Variants in NUP54 observed in about 807,000 individuals in gnomAD.
NUP54 encodes nucleoporin p54.
Under a neutral mutation model 66.4 loss-of-function variants are expected in NUP54, and 27 were observed. The observed-to-expected ratio is 0.41, with a 90% CI of 0.30 to 0.56. NUP54 has a LOEUF of 0.56. NUP54 is among the 20% of genes least tolerant of loss of function. The pLI is 0.34. For missense variants in NUP54, 486 were observed against 596.3 expected (o/e 0.82, Z 1.93); for synonymous variants, 206 against 210.7 (o/e 0.98, Z 0.19).
intron 1 of NUP54, chr4:76,147,976 A>G: frequency 3.0e-6 from 1 of 335,312 alleles, no homozygotes; most frequent in Non-Finnish European, 5.5e-6. Flanking sequence ...TGAGGTGCAG[A>G]GGGGAGGGAG....
At chr4:76,143,511 G>C (rs1053834865) in intron 3 of NUP54, among the ~76,000 whole-genome samples, 2 of 152,182 alleles carry the variant, frequency 1.3e-5, no homozygotes, top group African/African-American at 2.4e-5. Flanking sequence ...GGCTGAGGCA[G>C]AAGTATCGCT....
chr4:76,135,210 C>T (rs1578686368), intron 4 of NUP54, among the ~76,000 whole-genome samples: 1 of 151,992 alleles, frequency 6.6e-6, no homozygotes, highest in East Asian at 1.9e-4. Context: ...CTTTATGAAA[C>T]AGGGTTGTTG....
intron 10 of NUP54, 110 bp from the exon 11 acceptor site, chr4:76,117,884 T>A: frequency 9.7e-7 from 1 of 1,035,400 alleles, no homozygotes; most frequent in Admixed American, 2.1e-5. Flanking sequence ...TTTCTATTTC[T>A]CTCTCTGTAC....
chr4:76,127,074 A>G (rs1315904177), intron 8 of NUP54, among the ~76,000 whole-genome samples: 1 of 152,186 alleles, frequency 6.6e-6, no homozygotes, highest in East Asian at 1.9e-4. Context: ...ACATATATAT[A>G]TGCAAACAGT....
intron 1 of NUP54, among the ~76,000 whole-genome samples, chr4:76,147,322 A>G (rs1249603496): frequency 3.9e-5 from 6 of 152,244 alleles, no homozygotes; most frequent in Non-Finnish European, 2.9e-5. Flanking sequence ...CTTTTAAGGC[A>G]GTAAAAACTT....
At chr4:76,147,577 A>G in intron 1 of NUP54, 5 of 1,289,802 alleles carry the variant, frequency 3.9e-6, no homozygotes, top group Non-Finnish European at 5.1e-6. Context: ...ATTAGCAGTT[A>G]ATCCGAAACC....
Position 76,134,280 on chromosome 4 carries a change from ATC to A in NUP54, c.603_604del (p.Glu201AspfsTer14), listed in dbSNP as rs774241077. 4.3e-6 allele frequency: 7 copies of A among 1,613,828 alleles called. No individual in the cohort carries two copies. Among genetic ancestry groups the A allele is most frequent in the South Asian group, 1.1e-5 (1 of 91,070 alleles). ...TACCAACTGTTGTTGTTGGCTTCGA[ATC>A]TCTGTTTCTTTTTTGTTGAAAACTA... On this transcript the variant is annotated frameshift_variant, in exon 5 of 12. Transcript: ENST00000264883. LOFTEE classifies it high-confidence loss of function.
intron 1 of NUP54, chr4:76,145,573 T>C: frequency 7.8e-7 from 1 of 1,275,938 alleles, no homozygotes; most frequent in Non-Finnish European, 1.0e-6. Context: ...AACAAGAATG[T>C]GTTTCTTGAA....
chr4:76,129,966 GTTTTTTTTTTTTTTTT>G (rs775109047), intron 8 of NUP54, among the ~76,000 whole-genome samples: 20 of 56,858 alleles, frequency 3.5e-4, no homozygotes, highest in Admixed American at 2.0e-3. Context: ...AATTATGAAA[GTTTTTTTTTTTTTTTT>G]TTTTTTTTTT....
chr4:76,117,865 T>A, intron 10 of NUP54, 91 bp from the exon 11 acceptor site: 1 of 1,141,464 alleles, frequency 8.8e-7, no homozygotes, highest in Non-Finnish European at 1.3e-6. Context: ...CAAAACCATC[T>A]ATTAAAAATT....
chr4:76,135,887 T>C (rs952606875), intron 4 of NUP54, among the ~76,000 whole-genome samples: 3 of 152,246 alleles, frequency 2.0e-5, no homozygotes, highest in African/African-American at 7.2e-5. Context: ...CACTAAATTG[T>C]AGTTTGGTGT....
At chr4:76,148,158 ACT>A in intron 1 of NUP54, 148 bp downstream of exon 1, 2 of 599,858 alleles carry the variant, frequency 3.3e-6, no homozygotes, top group Non-Finnish European at 5.1e-6. Flanking sequence ...GCCTCGGCCC[ACT>A]CTGCCGCCGC....
chr4:76,130,177 T>C (rs1730742016), intron 8 of NUP54, among the ~76,000 whole-genome samples: 1 of 151,658 alleles, frequency 6.6e-6, no homozygotes, highest in Non-Finnish European at 1.5e-5. Flanking sequence ...AGACCAGGTT[T>C]TGCCAAGTCG....
At chr4:76,130,019 C>T (rs1358100669) in intron 8 of NUP54, among the ~76,000 whole-genome samples, 3 of 96,826 alleles carry the variant, frequency 3.1e-5, no homozygotes, top group African/African-American at 3.9e-5. Flanking sequence ...CTCACTCTGT[C>T]GCCCAGGCTG....
intron 3 of NUP54, among the ~76,000 whole-genome samples, chr4:76,143,150 A>C (rs1731336409): frequency 6.6e-6 from 1 of 152,172 alleles, no homozygotes; most frequent in Non-Finnish European, 1.5e-5. Context: ...CAAACAACAA[A>C]ACAACAAAAT....
At chr4:76,139,360 T>C (rs1005132258) in intron 3 of NUP54, among the ~76,000 whole-genome samples, 1 of 152,166 alleles carries the variant, frequency 6.6e-6, no homozygotes, top group Admixed American at 6.6e-5. Context: ...ACTTGCAAAA[T>C]GTTCTTACCA....
intron 10 of NUP54, 53 bp downstream of exon 10, chr4:76,118,022 T>C (rs1483003484): frequency 2.5e-6 from 4 of 1,575,594 alleles, no homozygotes; most frequent in Non-Finnish European, 3.5e-6. Flanking sequence ...TAACTTTTTG[T>C]CTGCAGATCC....
At chr4:76,118,019 T>C in intron 10 of NUP54, 56 bp downstream of exon 10, 2 of 1,567,568 alleles carry the variant, frequency 1.3e-6, no homozygotes, top group Non-Finnish European at 1.7e-6. Context: ...ACATAACTTT[T>C]TGTCTGCAGA....
intron 4 of NUP54, 105 bp from the exon 5 acceptor site, chr4:76,134,467 T>C: frequency 1.1e-6 from 1 of 901,436 alleles, no homozygotes; most frequent in South Asian, 1.7e-5. Context: ...AACAACTTAA[T>C]GTCTGGTAAT....
Sources: gnomAD v4.1 joint callset for allele counts (sites outside exome capture counted in the v4.1 genomes callset) on GRCh38, gnomAD v4.1.1 for gene constraint, MANE v1.5 for transcripts, NCBI Gene and HGNC (gene_info 2026-07-23, HGNC 2026-07-21) for gene names.